Variants in GRAMD1C observed in about 807,000 individuals in gnomAD.
The protein encoded by GRAMD1C is GRAM domain containing 1C.
A neutral mutation model predicts 97.8 loss-of-function variants in GRAMD1C; 89 were observed. That is an observed-to-expected ratio of 0.91 (90% CI 0.77 to 1.09). GRAMD1C has a LOEUF of 1.09. Ranked by LOEUF, GRAMD1C falls within the 50% of genes least tolerant of loss-of-function variation. The pLI is 0.00. For synonymous variants in GRAMD1C, 256 were observed against 267.0 expected, an observed-to-expected ratio of 0.96 and a Z score of 0.40; for missense variants, 740 against 766.4, an observed-to-expected ratio of 0.97 and a Z score of 0.41.
chr3:113,913,450 A>C (rs2107336434), intron 9 of GRAMD1C, among the ~76,000 whole-genome samples: 1 of 149,810 alleles, frequency 6.7e-6, no homozygotes, highest in South Asian at 2.1e-4. Flanking sequence ...AAAAAAAAAA[A>C]AGAATCCTAT....
chr3:113,877,906 TA>T (rs1194856701), intron 5 of GRAMD1C, among the ~76,000 whole-genome samples: 1 of 152,126 alleles, frequency 6.6e-6, no homozygotes, highest in Non-Finnish European at 1.5e-5. Flanking sequence ...GCCTCCCAAG[TA>T]GCTGGGATTA....
Position 113,930,780 on chromosome 3 carries a change from T to C in GRAMD1C, c.1157T>C (p.Ile386Thr), listed in dbSNP as rs1161523685. 6.2e-7 allele frequency: 1 copy of C among 1,611,718 alleles called. No homozygotes were observed. Among genetic ancestry groups the C allele is most frequent in the Admixed American group, 1.7e-5 (1 of 60,024 alleles). ...GDQLRTMTYT[I>T]VLNSPLTGKC... ...CAGCTGAGAACGATGACCTACACTATAGTCCTTAATAGTCCACTTACTGGA... is the reference window on the plus strand; with the variant it reads ...CAGCTGAGAACGATGACCTACACTACAGTCCTTAATAGTCCACTTACTGGA... The change falls in exon 11 of 18, where the codon ATA becomes ACA. Residue 386 changes from isoleucine to threonine, a missense_variant. By Grantham distance (89) the Ile-to-Thr change is moderately conservative. Coordinates refer to ENST00000358160, the MANE Select transcript of GRAMD1C (RefSeq NM_017577.5).
chr3:113,913,226 C>A, intron 9 of GRAMD1C: 2 of 543,620 alleles, frequency 3.7e-6, no homozygotes, highest in Non-Finnish European at 6.3e-6. Context: ...TAAGAATGGT[C>A]CTTCCAAAGT....
chr3:113,831,031 G>A lies in GRAMD1C; in HGVS notation n.98+2752G>A, dbSNP rs547682748. On this transcript the variant is annotated intron_variant and non_coding_transcript_variant, in intron 1 of 18. Coordinates refer to the GRAMD1C transcript ENST00000479212. The stretch of plus-strand genomic sequence containing the variant: ...TTGAACCCAAGAGGCAGAGGTTGCA[G>A]TGAGCTGAGATCGCACCACTGCACT... Among the ~76,000 whole-genome samples the A allele has an allele frequency of 1.1e-4, 16 of 152,348 alleles. No individual in the cohort carries two copies. The South Asian group carries it at 3.1e-3, about 30-fold the overall frequency.
rs951061927 is a variant in GRAMD1C at position 113,843,001 on chromosome 3, G to A, written c.28-1502G>A. Among the ~76,000 whole-genome samples, 11 of 148,506 alleles carry A rather than the reference G, an allele frequency of 7.4e-5. No homozygotes were observed. The South Asian group carries it at 8.5e-4, about 11-fold the overall frequency. On this transcript the variant is annotated intron_variant, in intron 1 of 17. Transcript: ENST00000358160. The stretch of plus-strand genomic sequence containing the variant: ...AACAAAAAGAACCTCAAGCTTAAGT[G>A]GAGCAGCAGCAGCAGAGATATTTAA...
chr3:113,868,645 G>T (rs1478117042), intron 2 of GRAMD1C, among the ~76,000 whole-genome samples: 1 of 152,088 alleles, frequency 6.6e-6, no homozygotes, highest in Non-Finnish European at 1.5e-5. Context: ...AGCCAGTAAG[G>T]CTTTTCCCTT....
chr3:113,913,034 G>T, intron 9 of GRAMD1C: 1 of 741,458 alleles, frequency 1.3e-6, no homozygotes, highest in Middle Eastern at 2.8e-4. Flanking sequence ...GGGTAACATA[G>T]AGACTGCTTT....
intron 1 of GRAMD1C, among the ~76,000 whole-genome samples, chr3:113,843,792 T>C (rs1238731433): frequency 1.3e-5 from 2 of 152,234 alleles, no homozygotes; most frequent in Non-Finnish European, 2.9e-5. Flanking sequence ...ACTCCATTGT[T>C]TGTATAAATC....
At chr3:113,909,224 G>A in intron 9 of GRAMD1C, 104 bp downstream of exon 9, 1 of 505,944 alleles carries the variant, frequency 2.0e-6, no homozygotes, top group Non-Finnish European at 3.3e-6. Context: ...ATTAGACACA[G>A]TCTCACCCTA....
chr3:113,862,235 C>T (rs1432115266), intron 2 of GRAMD1C, among the ~76,000 whole-genome samples: 1 of 152,160 alleles, frequency 6.6e-6, no homozygotes. Flanking sequence ...ATTTCCTTGT[C>T]CTAATAAGCC....
Position 113,908,938 on chromosome 3 carries a change from C to G in GRAMD1C, c.790-20C>G. 6.7e-7 allele frequency: 1 copy of G among 1,485,214 alleles called. No individual in the cohort carries two copies. Among genetic ancestry groups the G allele is most frequent in the Non-Finnish European group, 9.0e-7 (1 of 1,108,684 alleles). The allele number at this position is 1,485,214 out of a possible 1,614,324, so 92.0% of individuals were successfully genotyped here. On this transcript the variant is annotated intron_variant, in intron 8 of 17. Transcript: ENST00000358160. ...GCTAAACCTGTGTTTTATTTTGAAA[C>G]TGGATTGTTTACCTTTTAGGGATTA...
At chr3:113,861,247 C>T (rs913558593) in intron 2 of GRAMD1C, among the ~76,000 whole-genome samples, 1 of 152,038 alleles carries the variant, frequency 6.6e-6, no homozygotes, top group African/African-American at 2.4e-5. Context: ...TAGAAGAAAA[C>T]ATAGGTTTAA....
chr3:113,931,178 C>T (rs1937404226), intron 11 of GRAMD1C, among the ~76,000 whole-genome samples: 1 of 151,932 alleles, frequency 6.6e-6, no homozygotes, highest in South Asian at 2.1e-4. Context: ...TTATGGATGA[C>T]ATTATATTGA....
intron 9 of GRAMD1C, among the ~76,000 whole-genome samples, chr3:113,914,017 G>T (rs1044703938): frequency 1.3e-5 from 2 of 152,096 alleles, no homozygotes; most frequent in African/African-American, 4.8e-5. Flanking sequence ...AAGATAACAA[G>T]TCAATAAATC....
At chr3:113,892,673 C>T (rs916287194) in intron 6 of GRAMD1C, among the ~76,000 whole-genome samples, 13 of 152,132 alleles carry the variant, frequency 8.5e-5, no homozygotes, top group Non-Finnish European at 1.8e-4. Flanking sequence ...GAGTTTAGCT[C>T]CCATTCTCTA....
intron 10 of GRAMD1C, among the ~76,000 whole-genome samples, chr3:113,921,209 G>C (rs1403574268): frequency 6.6e-6 from 1 of 152,150 alleles, no homozygotes; most frequent in African/African-American, 2.4e-5. Flanking sequence ...ATGGCCTCCA[G>C]CTCCATACAT....
At chr3:113,936,213 T>C in intron 13 of GRAMD1C, 53 bp from the exon 14 acceptor site, 1 of 1,042,230 alleles carries the variant, frequency 9.6e-7, no homozygotes, top group East Asian at 2.4e-5. Flanking sequence ...CCATTGTATC[T>C]TATAGTTGAG....
intron 2 of GRAMD1C, among the ~76,000 whole-genome samples, chr3:113,867,257 G>A (rs2107365335): frequency 6.6e-6 from 1 of 152,216 alleles, no homozygotes; most frequent in Non-Finnish European, 1.5e-5. Flanking sequence ...GTTATCATAT[G>A]TAATTTTCTT....
At chr3:113,857,444 T>C (rs4510354) in intron 2 of GRAMD1C, among the ~76,000 whole-genome samples, 148,255 of 150,810 alleles carry the variant, frequency 0.98, 72,936 homozygotes, top group South Asian at 1. Flanking sequence ...GACACGATCT[T>C]GGCTCACTGC....
Sources: allele counts gnomAD v4.1 joint callset (sites outside exome capture counted in the v4.1 genomes callset), GRCh38; gene constraint gnomAD v4.1.1; transcripts MANE v1.5; gene names NCBI Gene and HGNC (gene_info 2026-07-23, HGNC 2026-07-21).